Variants in PCM1 observed in about 807,000 individuals in gnomAD.
PCM1 encodes the protein pericentriolar material 1, also known as pericentriolar material 1 protein.
Under a neutral mutation model 241.9 loss-of-function variants are expected in PCM1, and 157 were observed. The observed-to-expected ratio is 0.65, with a 90% confidence interval of 0.57 to 0.74. The LOEUF is 0.74. PCM1 is among the 30% of genes least tolerant of loss of function. The pLI is 0.00. For synonymous variants in PCM1, 1,085 were observed against 784.9 expected (o/e 1.38, Z -6.39); for missense variants, 3,478 against 2,360.1 (o/e 1.47, Z -9.81).
chr8:18,026,451 G>T (rs527531850), intron 38 of PCM1, among the ~76,000 whole-genome samples: 1 of 150,698 alleles, frequency 6.6e-6, no homozygotes, highest in Admixed American at 6.6e-5. Context: ...AAGTAGAGAC[G>T]GGGTTTCACC....
chr8:17,942,951 C>T (rs2062629298), intron 6 of PCM1, among the ~76,000 whole-genome samples: 1 of 150,466 alleles, frequency 6.6e-6, no homozygotes, highest in African/African-American at 2.4e-5. Context: ...GAGCCGAGAT[C>T]CTGCCACTGT....
intron 6 of PCM1, among the ~76,000 whole-genome samples, chr8:17,941,027 C>G (rs1379922272): frequency 1.3e-5 from 2 of 152,158 alleles, no homozygotes; most frequent in Non-Finnish European, 2.9e-5. Context: ...TTACCTGCCT[C>G]CTTTCTCTTC....
chr8:17,947,497 C>G lies in PCM1; in HGVS notation c.961+134C>G, dbSNP rs1335160730. On this transcript the variant is annotated intron_variant, in intron 7 of 38. Coordinates refer to ENST00000325083, the MANE Select transcript of PCM1 (RefSeq NM_006197.4). ...TAGAAACCTTCATATGAGGCTTATA[C>G]TTTCCTGTGCTTTTCTCTGGTTATG... The G allele has an allele frequency of 4.7e-6, 3 of 632,340 alleles. No individual in the cohort carries two copies. In the African/African-American group the frequency reaches 5.5e-5, roughly 12 times the overall value. 39.2% of individuals were successfully genotyped at this position (632,340 alleles called of 1,614,324 possible).
chr8:17,995,171 A>G (rs2086230081), intron 29 of PCM1, among the ~76,000 whole-genome samples: 1 of 151,390 alleles, frequency 6.6e-6, no homozygotes, highest in Non-Finnish European at 1.5e-5. Flanking sequence ...TCTTAGATTT[A>G]TGTCTTTAAT....
intron 2 of PCM1, among the ~76,000 whole-genome samples, chr8:17,928,343 C>G (rs976390505): frequency 1.3e-5 from 2 of 152,192 alleles, no homozygotes; most frequent in African/African-American, 4.8e-5. Context: ...TCTACGCTCT[C>G]TCAGACACTG....
intron 1 of PCM1, among the ~76,000 whole-genome samples, chr8:17,924,140 T>C (rs957524310): frequency 6.6e-6 from 1 of 152,122 alleles, no homozygotes; most frequent in Non-Finnish European, 1.5e-5. Context: ...CTCCGCCTGC[T>C]GGTGTTCTCT....
rs6989977 is a variant in PCM1 at position 17,984,162 on chromosome 8, C to T, written c.4109-1285C>T. On this transcript the variant is annotated intron_variant, in intron 24 of 38. Coordinates refer to ENST00000325083, the MANE Select transcript of PCM1 (RefSeq NM_006197.4). ...GAGAATAATTTAATTTTTAATGATA[C>T]GCAATTTAGATTGATAATTTTATCA... Among the ~76,000 whole-genome samples the T allele has an allele frequency of 2.2e-4, 33 of 151,968 alleles. No homozygotes were observed. The South Asian group carries it at 3.5e-3, about 16-fold the overall frequency.
At chr8:18,025,715 A>G (rs2094142150) in intron 38 of PCM1, 57 bp downstream of exon 38, 8 of 976,062 alleles carry the variant, frequency 8.2e-6, no homozygotes, top group South Asian at 3.1e-5. Context: ...TCTTCATACT[A>G]CTATTGTGTT....
chr8:17,996,918 G>T (rs1279267039), intron 29 of PCM1, among the ~76,000 whole-genome samples: 1 of 151,968 alleles, frequency 6.6e-6, no homozygotes, highest in Non-Finnish European at 1.5e-5. Flanking sequence ...TCATCATTTT[G>T]TCTTTCCACT....
Position 17,939,726 on chromosome 8 carries a change from T to C in PCM1, c.648T>C (p.Ile216=), listed in dbSNP as rs925500120. ...VSRLVQIRDY[I]TKASSMREDL... ...GGCTTGTTCAAATTCGCGATTATAT[T>C]ACTAAAGCTAGTTCCATGCGGGAAG... is the stretch of plus-strand genomic sequence containing the variant. The change falls in exon 6 of 39, where the codon ATT becomes ATC. Residue 216 remains isoleucine, a synonymous_variant. Coordinates refer to ENST00000325083, the MANE Select transcript of PCM1 (RefSeq NM_006197.4). The C allele has an allele frequency of 2.6e-6, 4 of 1,548,614 alleles. No homozygotes were observed. Among genetic ancestry groups the C allele is most frequent in the Non-Finnish European group, 3.5e-6 (4 of 1,146,014 alleles).
intron 9 of PCM1, among the ~76,000 whole-genome samples, chr8:17,955,000 A>T (rs2067550018): frequency 1.3e-5 from 2 of 152,022 alleles, no homozygotes; most frequent in Non-Finnish European, 2.9e-5. Flanking sequence ...GGGTATGAAA[A>T]ACTGATGAAG....
chr8:17,930,002 G>A (rs1010401460), intron 2 of PCM1, among the ~76,000 whole-genome samples: 1 of 152,096 alleles, frequency 6.6e-6, no homozygotes, highest in Non-Finnish European at 1.5e-5. Context: ...TGCAGATAAG[G>A]TGGGGACTAT....
At chr8:17,925,383 T>C (rs1417411743) in intron 2 of PCM1, 1 of 152,222 alleles carries the variant, frequency 6.6e-6, no homozygotes, top group Non-Finnish European at 1.5e-5. Flanking sequence ...AGAAGTTCAA[T>C]AATTGTTTGC....
Position 17,957,261 on chromosome 8 carries a change from T to C in PCM1, c.1647-3T>C. The stretch of plus-strand genomic sequence containing the variant: ...TGACTTCAGGCTGTTTTCTTTCTTC[T>C]AGAAATCCACAAGTAGCTTCCACTT... On this transcript the variant is annotated splice_polypyrimidine_tract_variant and splice_region_variant and intron_variant, in intron 11 of 38. Coordinates refer to ENST00000325083, the MANE Select transcript of PCM1 (RefSeq NM_006197.4). 1 of 1,578,858 alleles carries C rather than the reference T, an allele frequency of 6.3e-7. No homozygotes were observed. Among genetic ancestry groups the C allele is most frequent in the Middle Eastern group, 1.7e-4 (1 of 5,898 alleles).
At chr8:17,975,343 A>G (rs758461776) in intron 23 of PCM1, among the ~76,000 whole-genome samples, 1 of 152,018 alleles carries the variant, frequency 6.6e-6, no homozygotes, top group Non-Finnish European at 1.5e-5. Flanking sequence ...TTGTATTTTT[A>G]GTAGAGACGG....
chr8:18,025,589 T>G lies in PCM1; in HGVS notation c.5980T>G (p.Leu1994Val). 3.8e-6 allele frequency: 6 copies of G among 1,585,546 alleles called. No individual in the cohort carries two copies. The highest frequency in any genetic ancestry group is 5.1e-6 in the Non-Finnish European group (6 of 1,165,748). The stretch of plus-strand genomic sequence containing the variant: ...GGTAGAAGAAGAACAGAAAAACCAT[T>G]TATCTGGTGAAATATGTGAAATGCA... The part of the protein sequence containing the change: ...KMVEEEQKNH[L>V]SGEICEMQTE... The change falls in exon 38 of 39, where the codon TTA becomes GTA. Residue 1994 changes from leucine to valine, a missense_variant. By Grantham distance (32) the Leu-to-Val change is conservative (BLOSUM62 1). Transcript: ENST00000325083.
At chr8:18,001,580 TAC>T (rs1464261548) in intron 29 of PCM1, among the ~76,000 whole-genome samples, 3 of 152,230 alleles carry the variant, frequency 2.0e-5, no homozygotes, top group African/African-American at 7.2e-5. Flanking sequence ...TGGCATTCAT[TAC>T]ATTCTAATTT....
chr8:17,991,216 A>G (rs1277823942), intron 27 of PCM1, among the ~76,000 whole-genome samples: 2 of 152,166 alleles, frequency 1.3e-5, no homozygotes, highest in African/African-American at 2.4e-5. Context: ...TGTTTAAATG[A>G]AACAACAAAA....
At chr8:17,934,851 T>C (rs966163384) in intron 2 of PCM1, 2 of 152,196 alleles carry the variant, frequency 1.3e-5, no homozygotes, top group African/African-American at 2.4e-5. Context: ...CTCATCTCTT[T>C]GACCCAGGTA....
Sources: gnomAD v4.1 joint callset for allele counts (sites outside exome capture counted in the v4.1 genomes callset) on GRCh38, gnomAD v4.1.1 for gene constraint, MANE v1.5 for transcripts, NCBI Gene and HGNC (gene_info 2026-07-23, HGNC 2026-07-21) for gene names.